Variants in LEPR observed in about 807,000 individuals in gnomAD.
LEPR encodes OB receptor.
A neutral mutation model predicts 114.7 loss-of-function variants in LEPR; 56 were observed. The observed-to-expected ratio is 0.49, with a 90% CI of 0.39 to 0.61. The LOEUF is 0.61. Ranked by LOEUF, LEPR falls within the 20% of genes least tolerant of loss-of-function variation. The pLI is 0.00. For missense variants in LEPR, 1,202 were observed against 1,352.9 expected (o/e 0.89, Z 1.75); for synonymous variants, 443 against 461.4 (o/e 0.96, Z 0.51).
intron 2 of LEPR, among the ~76,000 whole-genome samples, chr1:65,481,110 T>G (rs1289363306): frequency 1.3e-5 from 2 of 152,206 alleles, no homozygotes; most frequent in Non-Finnish European, 2.9e-5. Flanking sequence ...GCCTTCCTAC[T>G]GTATCCTCAC....
chr1:65,504,680 C>G (rs1648633367), intron 2 of LEPR, among the ~76,000 whole-genome samples: 1 of 152,032 alleles, frequency 6.6e-6, no homozygotes, highest in Admixed American at 6.6e-5. Flanking sequence ...TAATGCAGCA[C>G]CCTGGTTGGG....
At chr1:65,465,003 G>GT (rs1396835355) in intron 2 of LEPR, among the ~76,000 whole-genome samples, 2 of 152,008 alleles carry the variant, frequency 1.3e-5, no homozygotes, top group Non-Finnish European at 2.9e-5. Context: ...TTTTTGAAGG[G>GT]TTTTTTGTGT....
intron 2 of LEPR, chr1:65,433,337 T>C: frequency 1.0e-6 from 1 of 985,436 alleles, no homozygotes; most frequent in Non-Finnish European, 1.2e-6. Flanking sequence ...TATATAACTT[T>C]ATGCCACCCT....
chr1:65,570,822 T>A lies in LEPR; in HGVS notation c.370+20T>A. ...AAATAGGTAAGCATTAGCTATGTTT[T>A]AAATGTATTGAACAATGTTTTTTAA... On this transcript the variant is annotated intron_variant, in intron 4 of 19. Coordinates refer to ENST00000349533, the MANE Select transcript of LEPR (RefSeq NM_002303.6). 3.3e-6 allele frequency: 5 copies of A among 1,522,148 alleles called. No individual in the cohort carries two copies. Among genetic ancestry groups the A allele is most frequent in the Non-Finnish European group, 4.4e-6 (5 of 1,137,856 alleles). 94.3% of individuals were successfully genotyped at this position (1,522,148 alleles called of 1,614,324 possible). A position where few individuals can be genotyped will look rare whatever the true frequency, so the allele number is the denominator to read the frequency against.
At chr1:65,525,682 G>T in intron 2 of LEPR, 1 of 985,588 alleles carries the variant, frequency 1.0e-6, no homozygotes, top group Non-Finnish European at 1.2e-6. Context: ...CCTGAGAGTT[G>T]CCCCGCACCT....
intron 5 of LEPR, among the ~76,000 whole-genome samples, chr1:65,580,821 G>T (rs1405017100): frequency 1.3e-5 from 2 of 152,164 alleles, no homozygotes; most frequent in African/African-American, 4.8e-5. Context: ...TGAAGAGGGG[G>T]CAGAGGAGAA....
At chr1:65,555,527 CATCTT>C (rs943756995) in intron 2 of LEPR, among the ~76,000 whole-genome samples, 1 of 152,150 alleles carries the variant, frequency 6.6e-6, no homozygotes, top group African/African-American at 2.4e-5. Flanking sequence ...TTTTAATAGA[CATCTT>C]ATACTTGTAT....
At chr1:65,617,922 T>C (rs1362639743) in intron 15 of LEPR, 42 bp from the exon 16 acceptor site, 16 of 1,555,860 alleles carry the variant, frequency 1.0e-5, no homozygotes, top group Non-Finnish European at 1.3e-5. Flanking sequence ...AGATTTTTAT[T>C]AATTTTTAAT....
intron 2 of LEPR, among the ~76,000 whole-genome samples, chr1:65,512,929 T>A (rs1649102269): frequency 6.6e-6 from 1 of 152,210 alleles, no homozygotes; most frequent in South Asian, 2.1e-4. Context: ...TACTTCAGAC[T>A]GTGTTCTTAT....
chr1:65,438,548 C>CAAAAAAAAAAAAAAAAAAAAAAAAA (rs1159617552), intron 2 of LEPR, among the ~76,000 whole-genome samples: 1 of 67,794 alleles, frequency 1.5e-5, no homozygotes, highest in African/African-American at 5.8e-5. Context: ...GACTCTGTCT[C>CAAAAAAAAAAAAAAAAAAAAAAAAA]AAAAAAAAAA....
chr1:65,469,044 A>T (rs901432844), intron 2 of LEPR, among the ~76,000 whole-genome samples: 9 of 152,224 alleles, frequency 5.9e-5, no homozygotes, highest in Admixed American at 4.6e-4. Flanking sequence ...TGCTTTTTAA[A>T]TGTTGGCAAC....
Position 65,420,850 on chromosome 1 carries a change from C to A in LEPR, c.-97+110C>A, listed in dbSNP as rs1300668534. ...GCCGTTGGGGAACGGCCTCACCACCCTTCCCGCCTCTCCGGTTCGGGAGGC... is the reference window on the plus strand; with the variant it reads ...GCCGTTGGGGAACGGCCTCACCACCATTCCCGCCTCTCCGGTTCGGGAGGC... On this transcript the variant is annotated intron_variant, in intron 1 of 19. Transcript: ENST00000349533. The A allele has an allele frequency of 4.6e-6, 6 of 1,307,482 alleles. No homozygotes were observed. The African/African-American group carries it at 9.0e-5, about 20-fold the overall frequency. The allele number at this position is 1,307,482 out of a possible 1,614,324, so 81.0% of individuals were successfully genotyped here. A position where few individuals can be genotyped will look rare whatever the true frequency, so the allele number is the denominator to read the frequency against.
chr1:65,459,146 C>A (rs1646913811), intron 2 of LEPR, among the ~76,000 whole-genome samples: 1 of 152,158 alleles, frequency 6.6e-6, no homozygotes, highest in Non-Finnish European at 1.5e-5. Context: ...TTCAGTTTCT[C>A]TTAGGACAAC....
chr1:65,507,568 T>TA (rs1224214800), intron 2 of LEPR, among the ~76,000 whole-genome samples: 6 of 147,492 alleles, frequency 4.1e-5, no homozygotes, highest in East Asian at 2.0e-4. Flanking sequence ...CACACAACAT[T>TA]AAAAAAAATC....
chr1:65,497,630 G>A (rs1221444331), intron 2 of LEPR, among the ~76,000 whole-genome samples: 8 of 152,076 alleles, frequency 5.3e-5, no homozygotes, highest in Admixed American at 5.2e-4. Flanking sequence ...ATTATGAGTG[G>A]GTTGTTTATA....
At chr1:65,467,212 T>C (rs1647025537) in intron 2 of LEPR, among the ~76,000 whole-genome samples, 1 of 152,212 alleles carries the variant, frequency 6.6e-6, no homozygotes, top group African/African-American at 2.4e-5. Context: ...TGATGGGATT[T>C]TGGTGTAGCT....
chr1:65,542,783 G>T (rs1379942104), intron 2 of LEPR, among the ~76,000 whole-genome samples: 2 of 151,948 alleles, frequency 1.3e-5, no homozygotes, highest in Admixed American at 1.3e-4. Context: ...TCCCTGCAAA[G>T]GATATGAACT....
rs1255473155 is a variant in LEPR at position 65,455,756 on chromosome 1, A to G, written c.-21+30378A>G. 1.3e-4 allele frequency among the ~76,000 whole-genome samples: 20 copies of G among 152,320 alleles called. No homozygotes were observed. In the South Asian group the frequency reaches 2.5e-3, roughly 19 times the overall value. On this transcript the variant is annotated intron_variant, in intron 2 of 19. Coordinates refer to ENST00000349533, the MANE Select transcript of LEPR (RefSeq NM_002303.6). ...TTTTGTTTGTCTGTGCCCTGCCCCC[A>G]GAGGTGGAGCCTACAGAGGCAGGCA...
intron 2 of LEPR, among the ~76,000 whole-genome samples, chr1:65,479,716 C>T (rs557234237): frequency 6.6e-6 from 1 of 152,280 alleles, no homozygotes; most frequent in East Asian, 1.9e-4. Flanking sequence ...ACTCAACTGT[C>T]ATCTTCTTAA....
Sources: allele counts gnomAD v4.1 joint callset (sites outside exome capture counted in the v4.1 genomes callset), GRCh38; gene constraint gnomAD v4.1.1; transcripts MANE v1.5; gene names NCBI Gene and HGNC (gene_info 2026-07-23, HGNC 2026-07-21).